The following RASSF6 variants were observed in gnomAD, a reference collection of about 807,000 sequenced individuals.
RASSF6 encodes the protein Ras association domain family member 6.
Under a neutral mutation model 44.0 loss-of-function variants are expected in RASSF6, and 52 were observed. The observed-to-expected ratio is 1.18, with a 90% CI of 0.95 to 1.49. The LOEUF (loss-of-function observed/expected upper bound fraction) is 1.49, where lower values mean the gene tolerates loss of function less well. Among genes scored for constraint, RASSF6 ranks in the 40% most tolerant of loss-of-function variants. RASSF6 has a pLI of 0.00. For synonymous variants in RASSF6, 162 were observed against 124.6 expected, an observed-to-expected ratio of 1.30 and a Z score of -2.00; for missense variants, 464 against 393.3, an observed-to-expected ratio of 1.18 and a Z score of -1.52.
intron 5 of RASSF6, among the ~76,000 whole-genome samples, chr4:73,586,030 C>G (rs1380708924): frequency 7.8e-6 from 1 of 128,886 alleles, no homozygotes; most frequent in Non-Finnish European, 1.6e-5. Flanking sequence ...GGAGCTTTTC[C>G]TAAAAAATAA....
intron 1 of RASSF6, among the ~76,000 whole-genome samples, chr4:73,615,701 A>G (rs1011735299): frequency 6.6e-6 from 1 of 152,262 alleles, no homozygotes; most frequent in African/African-American, 2.4e-5. Flanking sequence ...TAGGTCAGCA[A>G]TTAAGTCCTG....
rs1410302418 is a variant in RASSF6 at position 73,576,448 on chromosome 4, A to C, written c.900T>G (p.Asn300Lys). The change falls in exon 10 of 11, where the codon AAT becomes AAG. Residue 300 changes from asparagine to lysine, a missense_variant. Coordinates refer to ENST00000307439, the MANE Select transcript of RASSF6 (RefSeq NM_177532.5). ...TTTGAATCTCTCTTTTCTCTTCTTC[A>C]TTTAATCTTTGAAGAATGGATTCCA... ...SLLESILQRL[N>K]EEEKREIQRI... 1.3e-6 allele frequency: 2 copies of C among 1,584,740 alleles called. No homozygotes were observed. The highest frequency in any genetic ancestry group is 2.2e-5 in the East Asian group (1 of 44,470).
At chr4:73,615,036 G>A (rs1039141369) in intron 1 of RASSF6, among the ~76,000 whole-genome samples, 18 of 151,676 alleles carry the variant, frequency 1.2e-4, no homozygotes, top group African/African-American at 2.7e-4. Flanking sequence ...AAAGTTAGCC[G>A]GGTGTGGTGG....
chr4:73,597,674 A>G (rs1725021230), intron 3 of RASSF6, among the ~76,000 whole-genome samples: 1 of 152,244 alleles, frequency 6.6e-6, no homozygotes, highest in Non-Finnish European at 1.5e-5. Flanking sequence ...ATTCACACAT[A>G]TGTTCATTGC....
rs1343151361 is a variant in RASSF6, at chr4:73,597,466, A to G, written c.144+1174T>C. Among the ~76,000 whole-genome samples the G allele has an allele frequency of 2.6e-5, 4 of 152,310 alleles. No individual in the cohort carries two copies. The East Asian group carries it at 7.7e-4, about 29-fold the overall frequency. ...CAGAATGTCTATTATTAAAAAGTCA[A>G]AAAATAACAGATGCTGGTGAGGTTG... On this transcript the variant is annotated intron_variant, in intron 3 of 10. Coordinates refer to ENST00000307439, the MANE Select transcript of RASSF6 (RefSeq NM_177532.5).
At chr4:73,605,753 T>C (rs1455064381) in intron 2 of RASSF6, among the ~76,000 whole-genome samples, 1 of 152,246 alleles carries the variant, frequency 6.6e-6, no homozygotes, top group African/African-American at 2.4e-5. Context: ...TGAGGATTTT[T>C]CCCTTTTTTC....
At position 73,576,493 on chromosome 4, in the gene RASSF6, A is replaced by G; in HGVS notation, c.855T>C (p.Ile285=). The change falls in exon 10 of 11, where the codon ATT becomes ATC. Residue 285 remains isoleucine, a synonymous_variant. Coordinates refer to ENST00000307439, the MANE Select transcript of RASSF6 (RefSeq NM_177532.5). ...EEISSDVAQY[I]NFHFSLLESI... Reference sequence around the variant, plus strand: ...ATTCCAAGAGAGAAAAGTGAAAGTTAATGTACTGAGCCACCTAAGAAAGAA... The same window carrying G: ...ATTCCAAGAGAGAAAAGTGAAAGTTGATGTACTGAGCCACCTAAGAAAGAA... The G allele has an allele frequency of 6.3e-7, 1 of 1,582,528 alleles. No individual in the cohort carries two copies. The highest frequency in any genetic ancestry group is 8.6e-7 in the Non-Finnish European group (1 of 1,162,892).
chr4:73,585,084 A>G, intron 6 of RASSF6, 96 bp downstream of exon 6: 1 of 820,522 alleles, frequency 1.2e-6, no homozygotes. Context: ...TACTGTTATT[A>G]TTATGACTTT....
chr4:73,597,692 T>C (rs1231700914), intron 3 of RASSF6, among the ~76,000 whole-genome samples: 2 of 152,196 alleles, frequency 1.3e-5, no homozygotes, highest in Non-Finnish European at 2.9e-5. Flanking sequence ...TGCAGCACTA[T>C]TTATAACAGC....
In RASSF6 at chr4:73,620,364, G is replaced by C; in HGVS notation, c.-111C>G. The C allele has an allele frequency of 6.6e-7, 1 of 1,509,220 alleles. No homozygotes were observed. Among genetic ancestry groups the C allele is most frequent in the Non-Finnish European group, 8.8e-7 (1 of 1,132,072 alleles). The allele number at this position is 1,509,220 out of a possible 1,614,324, so 93.5% of individuals were successfully genotyped here. A position where few individuals can be genotyped will look rare whatever the true frequency, so the allele number is the denominator to read the frequency against. ...TGAACTTGCTTCGCGGTTTGTTCTCGGCTGGGTCAGGAACTCTGGTAGAGG... is the reference window on the plus strand; with the variant it reads ...TGAACTTGCTTCGCGGTTTGTTCTCCGCTGGGTCAGGAACTCTGGTAGAGG... On this transcript the variant is annotated 5_prime_UTR_variant, in exon 1 of 11. Coordinates refer to ENST00000307439, the MANE Select transcript of RASSF6 (RefSeq NM_177532.5).
chr4:73,573,852 T>C lies in RASSF6; in HGVS notation c.*2383A>G, dbSNP rs191629725. ...AGATATAGACTCTTGAAATGTTTCCTTTGCAGCTTGCATGATGGCATACTT... is the reference window on the plus strand; with the variant it reads ...AGATATAGACTCTTGAAATGTTTCCCTTGCAGCTTGCATGATGGCATACTT... On this transcript the variant is annotated 3_prime_UTR_variant, in exon 11 of 11. Coordinates refer to ENST00000307439, the MANE Select transcript of RASSF6 (RefSeq NM_177532.5). 25 of 152,352 alleles carry C rather than the reference T, an allele frequency of 1.6e-4. No homozygotes were observed. Among genetic ancestry groups the C allele is most frequent in the Admixed American group, 1.5e-3 (23 of 15,294 alleles). 9.4% of individuals were successfully genotyped at this position (152,352 alleles called of 1,614,324 possible). A position where few individuals can be genotyped will look rare whatever the true frequency, so the allele number is the denominator to read the frequency against.
At chr4:73,582,431 C>T in intron 6 of RASSF6, 141 bp from the exon 7 acceptor site, 1 of 452,314 alleles carries the variant, frequency 2.2e-6, no homozygotes, top group East Asian at 3.3e-5. Flanking sequence ...GTTTGTTTTT[C>T]TTTGTTGTTT....
chr4:73,599,807 A>G (rs142223633), intron 2 of RASSF6, among the ~76,000 whole-genome samples: 289 of 152,254 alleles, frequency 1.9e-3, no homozygotes, highest in Non-Finnish European at 3.3e-3. Flanking sequence ...TGTTTTTCAG[A>G]TTAAAAGCCA....
rs553983348 is a variant in RASSF6, at chr4:73,601,788, G to T, written c.66-3070C>A. Among the ~76,000 whole-genome samples the T allele has an allele frequency of 1.3e-4, 20 of 152,326 alleles. No individual in the cohort carries two copies. In the South Asian group the frequency reaches 3.9e-3, roughly 30 times the overall value. On this transcript the variant is annotated intron_variant, in intron 2 of 10. Coordinates refer to ENST00000307439, the MANE Select transcript of RASSF6 (RefSeq NM_177532.5). ...AACCTTGAAAATACAATGTATGTCT[G>T]TAACATTCTAATTTAACTTGGCATT...
In RASSF6 at chr4:73,576,290, A is replaced by G. The variant is rs769104844; in HGVS notation, c.959T>C (p.Ile320Thr). 1.3e-6 allele frequency: 2 copies of G among 1,562,138 alleles called. No individual in the cohort carries two copies. The highest frequency in any genetic ancestry group is 2.2e-5 in the East Asian group (1 of 44,554). Residue 320 changes from isoleucine (I) to threonine (T), a missense_variant, in exon 11 of 11, where the codon ATT becomes ACT. By Grantham distance (89) the Ile-to-Thr change is moderately conservative. Transcript: ENST00000307439. ...TTTATTTTGAAGACATTTCAGTATA[A>G]TCGCCTTTTCTTTATTGAATCTGAA... ...IVTKFNKEKAIILKCLQNKLV... is the reference protein window; with the variant it reads ...IVTKFNKEKATILKCLQNKLV...
At chr4:73,609,130 A>G (rs1725841082) in intron 2 of RASSF6, among the ~76,000 whole-genome samples, 1 of 152,340 alleles carries the variant, frequency 6.6e-6, no homozygotes, top group South Asian at 2.1e-4. Context: ...TAAGTAGCAG[A>G]AAAAGTCTGA....
intron 1 of RASSF6, among the ~76,000 whole-genome samples, chr4:73,619,028 T>C (rs1295265803): frequency 1.3e-5 from 2 of 152,190 alleles, no homozygotes; most frequent in African/African-American, 4.8e-5. Flanking sequence ...ATGTCTCTTG[T>C]CCATCAACAC....
chr4:73,582,345 C>A, intron 6 of RASSF6, 55 bp from the exon 7 acceptor site: 1 of 855,924 alleles, frequency 1.2e-6, no homozygotes, highest in Non-Finnish European at 1.8e-6. Flanking sequence ...TAAGGGTATT[C>A]AATATCTTGA....
intron 1 of RASSF6, among the ~76,000 whole-genome samples, chr4:73,618,577 A>G (rs1726517205): frequency 6.6e-6 from 1 of 152,174 alleles, no homozygotes; most frequent in South Asian, 2.1e-4. Context: ...ATTCTAATTC[A>G]ATTTGATTCC....
Sources: gnomAD v4.1 joint callset for allele counts (sites outside exome capture counted in the v4.1 genomes callset) on GRCh38, gnomAD v4.1.1 for gene constraint, MANE v1.5 for transcripts, NCBI Gene and HGNC (gene_info 2026-07-23, HGNC 2026-07-21) for gene names.